HTR2C: variants seen among roughly 807,000 people sequenced by gnomAD.
The protein encoded by HTR2C is 5-hydroxytryptamine receptor 2C, also known as 5-hydroxytryptamine (serotonin) receptor 2C, G protein-coupled.
A neutral mutation model predicts 21.0 loss-of-function variants in HTR2C; 5 were observed. That is an observed-to-expected ratio of 0.24 (90% CI 0.12 to 0.50). The LOEUF (loss-of-function observed/expected upper bound fraction) is 0.50, where lower values mean the gene tolerates loss of function less well. Among genes scored for constraint, HTR2C ranks in the 20% least tolerant of loss-of-function variants. The pLI, the probability that HTR2C is intolerant of heterozygous loss-of-function variation, is 0.98. For missense variants in HTR2C, 271 were observed against 371.2 expected, an observed-to-expected ratio of 0.73 and a Z score of 2.22; for synonymous variants, 150 against 145.3, an observed-to-expected ratio of 1.03 and a Z score of -0.23.
intron 2 of HTR2C, among the ~76,000 whole-genome samples, chrX:114,708,067 A>G (rs147983226): frequency 0.019 from 2,102 of 111,583 alleles, 62 homozygotes; most frequent in African/African-American, 0.065. Context: ...ATATATTATC[A>G]GAGTTGCATA....
At chrX:114,696,883 A>T (rs1932295893) in intron 2 of HTR2C, among the ~76,000 whole-genome samples, 1 of 111,434 alleles carries the variant, frequency 9.0e-6, no homozygotes, top group Non-Finnish European at 1.9e-5. Flanking sequence ...TTGCTTATTA[A>T]TGGATTTCTG....
intron 2 of HTR2C, among the ~76,000 whole-genome samples, chrX:114,647,668 G>A (rs905783319): frequency 1.8e-5 from 2 of 112,366 alleles, no homozygotes; most frequent in South Asian, 3.6e-4. Context: ...AAACAAAATC[G>A]TATGAATGTA....
intron 4 of HTR2C, among the ~76,000 whole-genome samples, chrX:114,778,409 T>C (rs1556439389): frequency 9.0e-6 from 1 of 111,671 alleles, no homozygotes; most frequent in Non-Finnish European, 1.9e-5. Context: ...ATTGATTTTA[T>C]TAGAACATTA....
chrX:114,718,997 T>TATA (rs1290899891), intron 2 of HTR2C, among the ~76,000 whole-genome samples: 5 of 10,393 alleles, frequency 4.8e-4, no homozygotes, highest in East Asian at 0.05. Flanking sequence ...AATAATATAA[T>TATA]ATATAATAAT....
At chrX:114,850,665 C>G (rs782536153) in intron 5 of HTR2C, among the ~76,000 whole-genome samples, 16 of 110,193 alleles carry the variant, frequency 1.5e-4, no homozygotes, top group African/African-American at 5.3e-4. Flanking sequence ...AACACTTTGT[C>G]TCTACAAATA....
intron 4 of HTR2C, among the ~76,000 whole-genome samples, chrX:114,750,514 G>A (rs999964415): frequency 3.6e-5 from 4 of 112,291 alleles, no homozygotes; most frequent in Non-Finnish European, 7.5e-5. Flanking sequence ...AGCTTTGCAG[G>A]AAATGACAAT....
At chrX:114,890,174 A>T (rs781921557) in intron 5 of HTR2C, among the ~76,000 whole-genome samples, 1 of 111,914 alleles carries the variant, frequency 8.9e-6, no homozygotes, top group African/African-American at 3.2e-5. Context: ...TGAGCTAGAA[A>T]ATATGGTATG....
At chrX:114,816,363 G>T (rs952525191) in intron 4 of HTR2C, among the ~76,000 whole-genome samples, 1 of 109,135 alleles carries the variant, frequency 9.2e-6, no homozygotes, top group African/African-American at 3.3e-5. Context: ...TTGTTTGTTT[G>T]TTTCTTTTTA....
At chrX:114,617,586 A>G (rs1170381758) in intron 2 of HTR2C, among the ~76,000 whole-genome samples, 1 of 112,537 alleles carries the variant, frequency 8.9e-6, no homozygotes. Flanking sequence ...TTAATTTCAC[A>G]TCTTTGATTT....
rs782215076 is a variant in HTR2C at position 114,672,889 on chromosome X, C to A, written c.-79-53969C>A. Among the ~76,000 whole-genome samples, 9 of 112,370 alleles carry A rather than the reference C, an allele frequency of 8.0e-5. No individual in the cohort carries two copies. The South Asian group carries it at 3.3e-3, about 41-fold the overall frequency. ...CTACTTTTTTATTGTTAAAACAGCA[C>A]AGCTATGAAGTGCAGTTATCTTAAT... On this transcript the variant is annotated intron_variant, in intron 2 of 5. Transcript: ENST00000276198.
In HTR2C at chrX:114,747,375, T is replaced by G. The variant is rs139580748; in HGVS notation, c.349+15768T>G. Among the ~76,000 whole-genome samples the G allele has an allele frequency of 7.1e-5, 8 of 111,974 alleles. No individual in the cohort carries two copies. In the East Asian group the frequency reaches 2.0e-3, roughly 28 times the overall value. On this transcript the variant is annotated intron_variant, in intron 4 of 5. Transcript: ENST00000276198. ...CTCTTATTCAACATCATACTGCAGGTCCTAGCCAGTGTAGTAACATAAGAA... is the reference window on the plus strand; with the variant it reads ...CTCTTATTCAACATCATACTGCAGGGCCTAGCCAGTGTAGTAACATAAGAA...
intron 4 of HTR2C, among the ~76,000 whole-genome samples, chrX:114,799,089 A>G (rs782139338): frequency 1.2e-4 from 13 of 110,092 alleles, no homozygotes; most frequent in Non-Finnish European, 2.5e-4. Context: ...TCAAGTGACA[A>G]AGCTATAATA....
chrX:114,607,887 C>G (rs1556397538), intron 1 of HTR2C, among the ~76,000 whole-genome samples: 1 of 110,663 alleles, frequency 9.0e-6, no homozygotes, highest in African/African-American at 3.3e-5. Flanking sequence ...ACTCAGGAGG[C>G]TGAGGCAGGA....
intron 4 of HTR2C, among the ~76,000 whole-genome samples, chrX:114,806,209 T>A (rs182399837): frequency 1.0e-5 from 1 of 99,378 alleles, no homozygotes; most frequent in Non-Finnish European, 2.0e-5. Context: ...ACCATATATA[T>A]ACACTCTATA....
rs1183790629 is a variant in HTR2C at position 114,906,968 on chromosome X, G to C, written c.930G>C (p.Ser310=). Residue 310 remains serine, a synonymous_variant, in exon 6 of 6, where the codon TCG becomes TCC. Coordinates refer to ENST00000276198, the MANE Select transcript of HTR2C (RefSeq NM_000868.4). The part of the protein sequence containing the change: ...MQAINNERKA[S]KVLGIVFFVF... Reference sequence around the variant, plus strand: ...CTATCAACAATGAAAGAAAAGCTTCGAAAGTCCTTGGGATTGTTTTCTTTG... The same window carrying C: ...CTATCAACAATGAAAGAAAAGCTTCCAAAGTCCTTGGGATTGTTTTCTTTG... The C allele has an allele frequency of 4.1e-6, 5 of 1,209,100 alleles. No homozygotes were observed. The East Asian group carries it at 8.9e-5, about 22-fold the overall frequency.
chrX:114,675,381 T>C (rs1556412372), intron 2 of HTR2C, among the ~76,000 whole-genome samples: 1 of 112,258 alleles, frequency 8.9e-6, no homozygotes, highest in Non-Finnish European at 1.9e-5. Context: ...TAGTACATCC[T>C]TCTAAAATGC....
At chrX:114,882,998 T>G (rs1556480198) in intron 5 of HTR2C, among the ~76,000 whole-genome samples, 1 of 110,409 alleles carries the variant, frequency 9.1e-6, no homozygotes, top group Non-Finnish European at 1.9e-5. Flanking sequence ...CCATAAGTTA[T>G]GAACTTTTCA....
intron 4 of HTR2C, among the ~76,000 whole-genome samples, chrX:114,840,161 C>T (rs1412846135): frequency 9.1e-6 from 1 of 109,884 alleles, no homozygotes; most frequent in East Asian, 2.8e-4. Context: ...AACACACACA[C>T]ATATATACAC....
chrX:114,906,315 C>A, intron 5 of HTR2C, among the ~76,000 whole-genome samples: 1 of 111,811 alleles, frequency 8.9e-6, no homozygotes, highest in Non-Finnish European at 1.9e-5. Context: ...CCCTTTGACA[C>A]AACCGTGTCT....
Sources: gnomAD v4.1 joint callset for allele counts (sites outside exome capture counted in the v4.1 genomes callset) on GRCh38, gnomAD v4.1.1 for gene constraint, MANE v1.5 for transcripts, NCBI Gene and HGNC (gene_info 2026-07-23, HGNC 2026-07-21) for gene names.